Variants in ZNF724 observed in about 807,000 individuals in gnomAD.
ZNF724 encodes zinc finger protein 724 pseudogene.
A neutral mutation model predicts 29.3 loss-of-function variants in ZNF724; 14 were observed. That is an observed-to-expected ratio of 0.48 (90% CI 0.32 to 0.75). The LOEUF is 0.75. Among genes scored for constraint, ZNF724 ranks in the 30% least tolerant of loss-of-function variants. The pLI is 0.04. For missense variants in ZNF724, 557 were observed against 571.2 expected (o/e 0.98, Z 0.25); for synonymous variants, 180 against 193.6 (o/e 0.93, Z 0.58).
intron 1 of ZNF724, among the ~76,000 whole-genome samples, chr19:23,242,110 A>G (rs1251165321): frequency 6.6e-6 from 1 of 152,230 alleles, no homozygotes; most frequent in African/African-American, 2.4e-5. Context: ...AATCAAAAAC[A>G]CAATCACATT....
intron 1 of ZNF724, among the ~76,000 whole-genome samples, chr19:23,249,317 C>G (rs1314620095): frequency 6.8e-6 from 1 of 147,942 alleles, no homozygotes; most frequent in African/African-American, 2.5e-5. Context: ...GATCTTGGCT[C>G]ACTGCAACCT....
chr19:23,232,029 G>C, intron 2 of ZNF724, 138 bp downstream of exon 2: 1 of 821,696 alleles, frequency 1.2e-6, no homozygotes, highest in Non-Finnish European at 1.9e-6. Flanking sequence ...AAGCCACCAC[G>C]CTTGGCCCCC....
chr19:23,247,506 G>C (rs528277340), intron 1 of ZNF724, among the ~76,000 whole-genome samples: 252 of 151,668 alleles, frequency 1.7e-3, no homozygotes, highest in African/African-American at 5.9e-3. Flanking sequence ...CGTCAAGTCA[G>C]GCCATCCAAT....
chr19:23,224,815 T>C (rs4932836), intron 3 of ZNF724, among the ~76,000 whole-genome samples: 152,049 of 152,148 alleles, frequency 1, 75,975 homozygotes, highest in Non-Finnish European at 1. Context: ...ATTAGCCAGG[T>C]GTGGTGGTGG....
intron 1 of ZNF724, among the ~76,000 whole-genome samples, chr19:23,246,332 A>G (rs1349768240): frequency 6.6e-6 from 1 of 152,138 alleles, no homozygotes; most frequent in Non-Finnish European, 1.5e-5. Context: ...ATATGGGGAC[A>G]CCTCTAGGAG....
Position 23,231,164 on chromosome 19 carries a change from T to A in ZNF724, c.226+102A>T, listed in dbSNP as rs569311017. On this transcript the variant is annotated intron_variant, in intron 3 of 3. Coordinates refer to ENST00000418100, the MANE Select transcript of ZNF724 (RefSeq NM_001355404.2). Reference sequence around the variant, plus strand: ...TCTCCAAGTGCTGGGATTACAGGCATGAGCCACCACACCTGGCCCCAAATC... The same window carrying A: ...TCTCCAAGTGCTGGGATTACAGGCAAGAGCCACCACACCTGGCCCCAAATC... 8 of 913,708 alleles carry A rather than the reference T, an allele frequency of 8.8e-6. No individual in the cohort carries two copies. The African/African-American group carries it at 1.2e-4, about 13-fold the overall frequency. 56.6% of individuals were successfully genotyped at this position (913,708 alleles called of 1,614,324 possible). A position where few individuals can be genotyped will look rare whatever the true frequency, so the allele number is the denominator to read the frequency against.
chr19:23,234,530 C>G lies in ZNF724; in HGVS notation c.4-2237G>C, dbSNP rs529852403. 3.4e-4 allele frequency among the ~76,000 whole-genome samples: 51 copies of G among 152,170 alleles called. No individual in the cohort carries two copies. In the South Asian group the frequency reaches 6.4e-3, roughly 19 times the overall value. ...GCAATGGCACAATCTCTGCTCACCA[C>G]AACCTCCACCTCCTGGGTTAAAGAG... On this transcript the variant is annotated intron_variant, in intron 1 of 3. Coordinates refer to ENST00000418100, the MANE Select transcript of ZNF724 (RefSeq NM_001355404.2).
intron 1 of ZNF724, chr19:23,242,842 C>T (rs1283559805): frequency 1.3e-5 from 2 of 151,230 alleles, no homozygotes; most frequent in African/African-American, 2.4e-5. Context: ...GAGTTTGAGA[C>T]CAGCCTGACC....
Position 23,223,628 on chromosome 19 carries a change from G to A in ZNF724, c.617C>T (p.Ala206Val), listed in dbSNP as rs903804122. 8.4e-6 allele frequency: 6 copies of A among 714,496 alleles called. No homozygotes were observed. The African/African-American group carries it at 1.0e-4, about 12-fold the overall frequency. 44.3% of individuals were successfully genotyped at this position (714,496 alleles called of 1,614,324 possible). The stretch of plus-strand genomic sequence containing the variant: ...AGAAAGGGTTGAGGACACATTAAAG[G>A]CCTTGCCACATTCTTCAAGTTTGTA... ...NSYKLEECGK[A>V]FNVSSTLSQH... The change falls in exon 4 of 4, where the codon GCC (alanine) becomes GTC (valine). Residue 206 changes from alanine (A) to valine (V), a missense_variant. Coordinates refer to ENST00000418100, the MANE Select transcript of ZNF724 (RefSeq NM_001355404.2).
chr19:23,235,477 T>C (rs1233336936), intron 1 of ZNF724, among the ~76,000 whole-genome samples: 1 of 152,228 alleles, frequency 6.6e-6, no homozygotes, highest in African/African-American at 2.4e-5. Context: ...ACTGGTTTAA[T>C]AGAAAATTTA....
At chr19:23,239,062 C>T (rs1256160734) in intron 1 of ZNF724, among the ~76,000 whole-genome samples, 2 of 152,116 alleles carry the variant, frequency 1.3e-5, no homozygotes, top group African/African-American at 4.8e-5. Flanking sequence ...TCCATGAGTG[C>T]ATATGAATAA....
Position 23,221,819 on chromosome 19 carries a change from C to G in ZNF724, c.*566G>C, listed in dbSNP as rs1357579321. 1 of 153,288 alleles carries G rather than the reference C, an allele frequency of 6.5e-6. No individual in the cohort carries two copies. The highest frequency in any genetic ancestry group is 1.5e-5 in the Non-Finnish European group (1 of 68,928). The allele number at this position is 153,288 out of a possible 1,614,324, so 9.5% of individuals were successfully genotyped here. A position where few individuals can be genotyped will look rare whatever the true frequency, so the allele number is the denominator to read the frequency against. Reference sequence around the variant, plus strand: ...TCTTGAACTTCTGACCTCAAGTAAACCACCTGCCTTGGCCTCCAAAGTGCT... The same window carrying G: ...TCTTGAACTTCTGACCTCAAGTAAAGCACCTGCCTTGGCCTCCAAAGTGCT... On this transcript the variant is annotated 3_prime_UTR_variant, in exon 4 of 4. Transcript: ENST00000418100.
At position 23,223,024 on chromosome 19, in the gene ZNF724, T is replaced by C; in HGVS notation, c.1221A>G (p.Ser407=). 7.5e-7 allele frequency: 1 copy of C among 1,327,864 alleles called. No individual in the cohort carries two copies. Among genetic ancestry groups the C allele is most frequent in the Non-Finnish European group, 1.1e-6 (1 of 920,632 alleles). The allele number at this position is 1,327,864 out of a possible 1,614,324, so 82.3% of individuals were successfully genotyped here. A position where few individuals can be genotyped will look rare whatever the true frequency, so the allele number is the denominator to read the frequency against. Residue 407 remains serine (S), a synonymous_variant, in exon 4 of 4, where the codon TCA becomes TCG. Coordinates refer to ENST00000418100, the MANE Select transcript of ZNF724 (RefSeq NM_001355404.2). ...EECGKAFNTS[S]HLTTHKRIHT... Reference sequence around the variant, plus strand: ...GAATTCTTTTATGTGTGGTGAGGTGTGAGGATGTGTTAAAGGCTTTGCCAC... The same window carrying C: ...GAATTCTTTTATGTGTGGTGAGGTGCGAGGATGTGTTAAAGGCTTTGCCAC...
At chr19:23,230,438 A>G (rs1971915415) in intron 3 of ZNF724, among the ~76,000 whole-genome samples, 1 of 152,082 alleles carries the variant, frequency 6.6e-6, no homozygotes, top group Non-Finnish European at 1.5e-5. Context: ...TTGAGGAAAA[A>G]GAACAAAGGA....
chr19:23,227,554 T>TCAAAAAAAA (rs1555724201), intron 3 of ZNF724, among the ~76,000 whole-genome samples: 3 of 17,106 alleles, frequency 1.8e-4, no homozygotes, highest in Admixed American at 1.0e-3. Flanking sequence ...AGGCTCCATC[T>TCAAAAAAAA]CAAAAAAAAA....
chr19:23,249,446 G>A (rs1048485278), intron 1 of ZNF724, among the ~76,000 whole-genome samples: 4 of 149,350 alleles, frequency 2.7e-5, no homozygotes, highest in African/African-American at 9.8e-5. Context: ...CACCCAAGCT[G>A]GACAGCAAAT....
intron 1 of ZNF724, among the ~76,000 whole-genome samples, chr19:23,246,407 A>G (rs1355547310): frequency 6.6e-6 from 1 of 152,174 alleles, no homozygotes; most frequent in African/African-American, 2.4e-5. Context: ...CTGTAATCTC[A>G]GCACTTTGGG....
chr19:23,227,111 G>A (rs1226730773), intron 3 of ZNF724, among the ~76,000 whole-genome samples: 2 of 152,062 alleles, frequency 1.3e-5, no homozygotes, highest in Non-Finnish European at 2.9e-5. Context: ...TAACTATATG[G>A]TAGTTAAAAT....
At position 23,231,288 on chromosome 19, in the gene ZNF724, A is replaced by G; in HGVS notation, c.204T>C (p.His68=). Residue 68 remains histidine (H), a synonymous_variant, in exon 3 of 4, where the codon CAT becomes CAC. Coordinates refer to ENST00000418100, the MANE Select transcript of ZNF724 (RefSeq NM_001355404.2). ...QGKEPWNMER[H]EMVAKPPGMC... ...TACCTGGGGGTTTGGCCACCATCTC[A>G]TGTCTCTCCATATTCCAGGGCTCTT... The G allele has an allele frequency of 7.3e-7, 1 of 1,368,320 alleles. No individual in the cohort carries two copies. Among genetic ancestry groups the G allele is most frequent in the Non-Finnish European group, 1.0e-6 (1 of 959,232 alleles). 84.8% of individuals were successfully genotyped at this position (1,368,320 alleles called of 1,614,324 possible).
Sources: gnomAD v4.1 joint callset for allele counts (sites outside exome capture counted in the v4.1 genomes callset) on GRCh38, gnomAD v4.1.1 for gene constraint, MANE v1.5 for transcripts, NCBI Gene and HGNC (gene_info 2026-07-23, HGNC 2026-07-21) for gene names.